Variants in SUN1 observed in about 807,000 individuals in gnomAD.
The protein encoded by SUN1 is Sad1 and UNC84 domain containing 1, also known as SUN domain-containing protein 1.
SUN1 carries 61 observed loss-of-function variants against 103.2 expected under a neutral mutation model. The observed-to-expected ratio is 0.59, with a 90% CI of 0.48 to 0.73. SUN1 has a LOEUF of 0.73. Among genes scored for constraint, SUN1 ranks in the 30% least tolerant of loss-of-function variants. SUN1 has a pLI of 0.00. For missense variants in SUN1, 1,052 were observed against 1,034.6 expected (o/e 1.02, Z -0.23); for synonymous variants, 490 against 425.7 (o/e 1.15, Z -1.86).
chr7:832,888 T>C (rs1236145177), intron 1 of SUN1: 1 of 370,752 alleles, frequency 2.7e-6, no homozygotes, highest in East Asian at 4.5e-5. Context: ...GTCTCTGTGG[T>C]GATGCCTGGT....
upstream of SUN1, among the ~76,000 whole-genome samples, chr7:827,685 C>T (rs370207304): frequency 6.6e-6 from 1 of 152,024 alleles, no homozygotes. Flanking sequence ...ACAGGATGGT[C>T]TCGATCTCCT....
chr7:836,457 G>A (rs1167339530), intron 1 of SUN1, among the ~76,000 whole-genome samples: 2 of 152,228 alleles, frequency 1.3e-5, no homozygotes, highest in Non-Finnish European at 1.5e-5. Flanking sequence ...CAGGGCAGCC[G>A]ATGGTGTAAG....
At chr7:817,904 C>T (rs1782334065) in intron 1 of SUN1, among the ~76,000 whole-genome samples, 1 of 152,082 alleles carries the variant, frequency 6.6e-6, no homozygotes, top group Non-Finnish European at 1.5e-5. Flanking sequence ...TGTCTTTCTC[C>T]CATTTAATGT....
At chr7:865,899 G>C in intron 15 of SUN1, 53 bp from the exon 16 acceptor site, 4 of 1,474,522 alleles carry the variant, frequency 2.7e-6, no homozygotes, top group South Asian at 2.3e-5. Flanking sequence ...CAGTACTATT[G>C]CTTCCAAAAT....
Position 866,080 on chromosome 7 carries a change from C to T in SUN1, c.1980+13C>T, listed in dbSNP as rs367667307. ...CGTGGTCATCCAGGTGAGTGGCCGC[C>T]GGTGGCCGGAGCTGCTCCTCTTCAG... On this transcript the variant is annotated intron_variant, in intron 16 of 18. Coordinates refer to ENST00000401592, the MANE Select transcript of SUN1 (RefSeq NM_001130965.3). The T allele has an allele frequency of 1.8e-5, 29 of 1,611,966 alleles. No individual in the cohort carries two copies. Among genetic ancestry groups the T allele is most frequent in the Non-Finnish European group, 2.2e-5 (26 of 1,178,190 alleles).
upstream of SUN1, chr7:816,377 C>A (rs971591176): frequency 2.9e-5 from 6 of 206,994 alleles, no homozygotes; most frequent in Middle Eastern, 1.4e-3. Context: ...CCAGGTGCAG[C>A]CCCCATACCG....
In SUN1 at chr7:869,493, G is replaced by A; in HGVS notation, c.2125G>A (p.Ala709Thr). ...GTCGCCAACAGGCAACATCAGCAGC[G>A]CCCCCAAGGACTTCGCCGTCTATGT... ...TLSPTGNISS[A>T]PKDFAVYGLE... The change falls in exon 17 of 19, where the codon GCC becomes ACC. Residue 709 changes from alanine to threonine, a missense_variant. Physicochemically the swap from Ala to Thr is moderately conservative, Grantham distance 58 (BLOSUM62 0). Transcript: ENST00000401592. The A allele has an allele frequency of 6.2e-7, 1 of 1,613,612 alleles. No homozygotes were observed. Among genetic ancestry groups the A allele is most frequent in the Non-Finnish European group, 8.5e-7 (1 of 1,179,756 alleles).
intron 17 of SUN1, among the ~76,000 whole-genome samples, chr7:871,131 C>T (rs1342561781): frequency 6.6e-6 from 1 of 151,936 alleles, no homozygotes. Context: ...CCTCAGCCCT[C>T]TTTTTAAAAT....
At chr7:849,406 T>G (rs766289441) in intron 5 of SUN1, 24 of 756,904 alleles carry the variant, frequency 3.2e-5, no homozygotes, top group Non-Finnish European at 3.8e-5. Context: ...GTGGGAACTC[T>G]GTGGAAGTGG....
At chr7:869,539 C>A (rs747593033) in intron 17 of SUN1, 23 bp downstream of exon 17, 51 of 1,606,456 alleles carry the variant, frequency 3.2e-5, no homozygotes, top group Middle Eastern at 1.9e-4. Flanking sequence ...GGCCGACCCT[C>A]CTCCTCCCAC....
intron 5 of SUN1, chr7:850,716 C>T (rs1273082939): frequency 2.8e-5 from 4 of 145,010 alleles, no homozygotes; most frequent in South Asian, 2.2e-4. Flanking sequence ...CACTTGAGGC[C>T]GGGAGTTCAA....
At chr7:828,366 G>C (rs1368564692), upstream of SUN1, among the ~76,000 whole-genome samples, 1 of 151,740 alleles carries the variant, frequency 6.6e-6, no homozygotes, top group Non-Finnish European at 1.5e-5. Context: ...CCATCTCCTG[G>C]GTTCAATCAG....
At chr7:863,611 T>C (rs976325126) in intron 15 of SUN1, among the ~76,000 whole-genome samples, 7 of 152,108 alleles carry the variant, frequency 4.6e-5, no homozygotes, top group Non-Finnish European at 7.4e-5. Context: ...CCCCAGAATC[T>C]TTCTCACCCC....
At chr7:816,570 C>A (rs1311137019), upstream of SUN1, 4 of 396,354 alleles carry the variant, frequency 1.0e-5, no homozygotes, top group Middle Eastern at 1.2e-3. Context: ...CTGCGTTGCT[C>A]CCGCCCTCGG....
At chr7:826,631 T>G (rs1010475477) in intron 1 of SUN1, among the ~76,000 whole-genome samples, 5 of 152,158 alleles carry the variant, frequency 3.3e-5, no homozygotes, top group Non-Finnish European at 7.3e-5. Context: ...TAGGTGTGAC[T>G]GTTGTTTCAG....
exon 1 of SUN1, chr7:816,673 G>A (rs762367692): frequency 8.9e-6 from 2 of 224,082 alleles, no homozygotes; most frequent in South Asian, 8.6e-5. Flanking sequence ...GCGCGAGGCA[G>A]GTGAGCTCCC....
rs1806419128 is a variant in SUN1 at position 839,093 on chromosome 7, A to ATG, written c.266+115_266+116dup. ...CGCACCCTGTCTCGAGCTTAAGGAT[A>ATG]TGTGTGTGTATGTGCGTGTACAGAC... On this transcript the variant is annotated intron_variant, in intron 2 of 18. Coordinates refer to ENST00000401592, the MANE Select transcript of SUN1 (RefSeq NM_001130965.3). 2.7e-6 allele frequency: 3 copies of ATG among 1,122,102 alleles called. No individual in the cohort carries two copies. The South Asian group carries it at 5.2e-5, about 20-fold the overall frequency. 69.5% of individuals were successfully genotyped at this position (1,122,102 alleles called of 1,614,324 possible).
At chr7:869,037 G>GT (rs2128550188) in intron 16 of SUN1, 1 of 376,160 alleles carries the variant, frequency 2.7e-6, no homozygotes, top group Non-Finnish European at 5.0e-6. Flanking sequence ...GCTGTGCAGG[G>GT]TGGAGGGCAT....
Position 860,181 on chromosome 7 carries a change from A to G in SUN1, c.1578A>G (p.Gln526=). The part of the protein sequence containing the change: ...MVKLLFSEDQ[Q]GGSLEQLLQR... ...AACTCCTGTTTTCCGAAGATCAGCAAGGCGGTTCTCTGGAACAGCTGCTGC... is the reference window on the plus strand; with the variant it reads ...AACTCCTGTTTTCCGAAGATCAGCAGGGCGGTTCTCTGGAACAGCTGCTGC... The change falls in exon 14 of 19, where the codon CAA becomes CAG. Residue 526 remains glutamine, a synonymous_variant. Transcript: ENST00000401592. 1 of 1,614,228 alleles carries G rather than the reference A, an allele frequency of 6.2e-7. No homozygotes were observed. The highest frequency in any genetic ancestry group is 8.5e-7 in the Non-Finnish European group (1 of 1,180,052).
Sources: gnomAD v4.1 joint callset for allele counts (sites outside exome capture counted in the v4.1 genomes callset) on GRCh38, gnomAD v4.1.1 for gene constraint, MANE v1.5 for transcripts, NCBI Gene and HGNC (gene_info 2026-07-23, HGNC 2026-07-21) for gene names.